Variants in SRP19 observed in about 807,000 individuals in gnomAD.
The protein encoded by SRP19 is signal recognition particle 19, also known as signal recognition particle 19 kDa protein.
A neutral mutation model predicts 22.4 loss-of-function variants in SRP19; 11 were observed. The ratio of observed to expected loss-of-function variants is 0.49; its 90% CI spans 0.31 to 0.81. The LOEUF is 0.81. Among genes scored for constraint, SRP19 ranks in the 40% least tolerant of loss-of-function variants. SRP19 has a pLI of 0.05. For missense variants in SRP19, 168 were observed against 175.9 expected, an observed-to-expected ratio of 0.96 and a Z score of 0.25; for synonymous variants, 61 against 57.6, an observed-to-expected ratio of 1.06 and a Z score of -0.27.
At chr5:112,887,160 C>T in intron 4 of SRP19, 1 of 1,605,896 alleles carries the variant, frequency 6.2e-7, no homozygotes, top group South Asian at 1.1e-5. Context: ...GGCTCGGGGC[C>T]ATGCACCACA....
In SRP19 at chr5:112,864,785, A is replaced by C. The variant is rs189981308; in HGVS notation, c.301+53A>C. 347 of 1,375,566 alleles carry C rather than the reference A, an allele frequency of 2.5e-4. 2 individuals carry two copies. The highest frequency in any genetic ancestry group is 2.0e-3 in the Middle Eastern group (9 of 4,446). 85.2% of individuals were successfully genotyped at this position (1,375,566 alleles called of 1,614,324 possible). On this transcript the variant is annotated intron_variant, in intron 4 of 4. Transcript: ENST00000505459. ...GCTCAGGGATAGGTTTCTCCTACAC[A>C]ACACAAAAAAGGTTCTAAAACTGAA...
Position 112,868,357 on chromosome 5 carries a change from A to G in SRP19, c.*820A>G. 4 of 992,610 alleles carry G rather than the reference A, an allele frequency of 4.0e-6. No homozygotes were observed. Among genetic ancestry groups the G allele is most frequent in the Non-Finnish European group, 4.8e-6 (4 of 835,486 alleles). The allele number at this position is 992,610 out of a possible 1,614,324, so 61.5% of individuals were successfully genotyped here. A position where few individuals can be genotyped will look rare whatever the true frequency, so the allele number is the denominator to read the frequency against. On this transcript the variant is annotated 3_prime_UTR_variant, in exon 5 of 5. Coordinates refer to ENST00000505459, the MANE Select transcript of SRP19 (RefSeq NM_003135.3). ...GGTTTAGCTCTTCCTTGAATTCTGC[A>G]AGCTATCTCATATTTTCAGTAAATT...
At chr5:112,891,889 G>A (rs1218897575) in exon 5 of SRP19, 2 of 1,372,122 alleles carry the variant, frequency 1.5e-6, no homozygotes, top group Admixed American at 1.7e-5. Flanking sequence ...GTTGCTGAGG[G>A]AGCAGAAGGC....
At chr5:112,882,794 C>T (rs1014947663) in intron 4 of SRP19, among the ~76,000 whole-genome samples, 9 of 152,232 alleles carry the variant, frequency 5.9e-5, no homozygotes, top group African/African-American at 2.2e-4. Flanking sequence ...CAGTCCCTCT[C>T]CTTCGCAACT....
chr5:112,888,131 C>T (rs1768316984), intron 4 of SRP19, among the ~76,000 whole-genome samples: 1 of 151,244 alleles, frequency 6.6e-6, no homozygotes. Flanking sequence ...ACAACTTCTC[C>T]TTAGTGTAAA....
At chr5:112,876,799 GTTAAC>G (rs1184226758) in intron 4 of SRP19, 4 of 151,940 alleles carry the variant, frequency 2.6e-5, no homozygotes, top group Non-Finnish European at 2.9e-5. Flanking sequence ...GCCAGCAACA[GTTAAC>G]TTAAATTTTG....
chr5:112,865,495 C>T (rs1767569211), intron 4 of SRP19, among the ~76,000 whole-genome samples: 2 of 152,124 alleles, frequency 1.3e-5, no homozygotes. Context: ...TTTTTTAAAA[C>T]AGAGCTATTA....
At chr5:112,863,295 A>C (rs1413036017) in intron 2 of SRP19, among the ~76,000 whole-genome samples, 1 of 152,110 alleles carries the variant, frequency 6.6e-6, no homozygotes, top group Admixed American at 6.5e-5. Context: ...TTTTTCACTG[A>C]ACTTTAAGCT....
exon 5 of SRP19, chr5:112,892,321 G>A (rs761870820): frequency 4.3e-6 from 7 of 1,614,096 alleles, no homozygotes; most frequent in East Asian, 4.5e-5. Flanking sequence ...TGACCCTGAC[G>A]CAAGCCTGGA....
At chr5:112,880,804 A>C (rs888688691) in intron 4 of SRP19, among the ~76,000 whole-genome samples, 5 of 152,208 alleles carry the variant, frequency 3.3e-5, no homozygotes, top group Non-Finnish European at 5.9e-5. Flanking sequence ...GGCTAAGGGA[A>C]GGGAGAAGAA....
chr5:112,891,962 AAGAG>A (rs1561650661), exon 5 of SRP19: 3 of 1,242,214 alleles, frequency 2.4e-6, no homozygotes, highest in East Asian at 2.3e-5. Flanking sequence ...CTAGAAGAAC[AAGAG>A]AGAAAGTTAA....
intron 1 of SRP19, 88 bp downstream of exon 1, chr5:112,861,505 T>A: frequency 7.0e-7 from 1 of 1,438,036 alleles, no homozygotes; most frequent in South Asian, 1.3e-5. Flanking sequence ...CTCCGCGGCC[T>A]CCAGAATGGC....
chr5:112,878,608 C>T, intron 4 of SRP19: 1 of 902,368 alleles, frequency 1.1e-6, no homozygotes, highest in East Asian at 2.7e-5. Context: ...TTAAAGTGCT[C>T]CCTATATATA....
At position 112,868,645 on chromosome 5, in the gene SRP19, C is replaced by T. The variant is rs556645444; in HGVS notation, c.*1108C>T. On this transcript the variant is annotated 3_prime_UTR_variant, in exon 5 of 5. Transcript: ENST00000505459. ...GAACTCCCGACCTCAGGTGATCTGC[C>T]CACCTCAGCCTCCCAAAGTGCTGGG... 1 of 152,986 alleles carries T rather than the reference C, an allele frequency of 6.5e-6. No individual in the cohort carries two copies. The highest frequency in any genetic ancestry group is 1.9e-4 in the East Asian group (1 of 5,192). 9.5% of individuals were successfully genotyped at this position (152,986 alleles called of 1,614,324 possible). A position where few individuals can be genotyped will look rare whatever the true frequency, so the allele number is the denominator to read the frequency against.
chr5:112,870,867 C>G (rs1010185446), downstream of SRP19, among the ~76,000 whole-genome samples: 1 of 152,134 alleles, frequency 6.6e-6, no homozygotes, highest in African/African-American at 2.4e-5. Flanking sequence ...TTTCCCAGCT[C>G]CTAATCATGA....
chr5:112,893,954 C>G (rs1363797156), downstream of SRP19: 2 of 152,130 alleles, frequency 1.3e-5, no homozygotes, highest in Non-Finnish European at 2.9e-5. Context: ...TTTTGAGATA[C>G]GCATTTGCAT....
At chr5:112,877,432 G>A (rs988994962) in intron 4 of SRP19, 6 of 152,072 alleles carry the variant, frequency 3.9e-5, no homozygotes, top group African/African-American at 1.4e-4. Flanking sequence ...TTCTAGTCCA[G>A]ACAAATTGCT....
chr5:112,893,094 T>TAAAAAAAAAAAAAAAAA (rs552226372), downstream of SRP19: 262 of 501,444 alleles, frequency 5.2e-4, 1 homozygote, highest in Non-Finnish European at 6.2e-4. Flanking sequence ...GTTTTGTTCT[T>TAAAAAAAAAAAAAAAAA]AAAAAAAAAA....
Position 112,879,912 on chromosome 5 carries a change from C to G in SRP19, c.302-11691C>G, listed in dbSNP as rs545084803. ...TGGCCAATATGAATGGTGAGACCCC[C>G]ACCCCCCACCTCTATTTTAAAAAAA... On this transcript the variant is annotated intron_variant, in intron 4 of 4. Transcript: ENST00000391338. 3.7e-3 allele frequency among the ~76,000 whole-genome samples: 556 copies of G among 152,074 alleles called. 3 individuals are homozygous for G. Among genetic ancestry groups the G allele is most frequent in the African/African-American group, 0.013 (534 of 41,508 alleles).
Sources: gnomAD v4.1 joint callset for allele counts (sites outside exome capture counted in the v4.1 genomes callset) on GRCh38, gnomAD v4.1.1 for gene constraint, MANE v1.5 for transcripts, NCBI Gene and HGNC (gene_info 2026-07-23, HGNC 2026-07-21) for gene names.